The following SMIM36 variants were observed in gnomAD, a reference collection of about 807,000 sequenced individuals.
SMIM36 encodes small integral membrane protein 36.
chr17:55,510,642 G>T (rs1009677281), intron 1 of SMIM36, among the ~76,000 whole-genome samples: 2 of 152,098 alleles, frequency 1.3e-5, no homozygotes, highest in African/African-American at 2.4e-5. Context: ...TGGAAAGAAA[G>T]AATTTGCAAA....
intron 1 of SMIM36, among the ~76,000 whole-genome samples, chr17:55,491,980 A>C (rs1909714371): frequency 6.6e-6 from 1 of 151,926 alleles, no homozygotes. Context: ...TAACACAGTG[A>C]AACCTCATCT....
chr17:55,510,407 C>G (rs1205015093), intron 1 of SMIM36, among the ~76,000 whole-genome samples: 1 of 152,030 alleles, frequency 6.6e-6, no homozygotes, highest in Non-Finnish European at 1.5e-5. Context: ...GAGTTCAATA[C>G]CAGCCTGGGC....
In SMIM36 at chr17:55,501,333, AATAT is replaced by A. The variant is rs1286361533; in HGVS notation, c.*174+9542_*174+9545del. On this transcript the variant is annotated intron_variant, in intron 1 of 4. Transcript: ENST00000636752. ...TTATATATTATATTTTATAATATAT[AATAT>A]ATTATATATTATATTTTATAATATA... Among the ~76,000 whole-genome samples, 3 of 54,148 alleles carry A rather than the reference AATAT, an allele frequency of 5.5e-5. 1 individual carries two copies. Among genetic ancestry groups the A allele is most frequent in the African/African-American group, 1.3e-4 (2 of 15,128 alleles). 35.5% of individuals were successfully genotyped at this position (54,148 alleles called of 152,430 possible).
chr17:55,453,849 G>A (rs1363520517), intron 4 of SMIM36, among the ~76,000 whole-genome samples: 1 of 152,190 alleles, frequency 6.6e-6, no homozygotes, highest in African/African-American at 2.4e-5. Context: ...TTCATTGGGT[G>A]ATGTCTGAAA....
chr17:55,472,290 TCCTC>T (rs1312303576), intron 3 of SMIM36, among the ~76,000 whole-genome samples: 3 of 152,184 alleles, frequency 2.0e-5, no homozygotes, highest in Non-Finnish European at 4.4e-5. Flanking sequence ...CTGCTGCACT[TCCTC>T]CCTCCACTAC....
Position 55,500,829 on chromosome 17 carries a change from ATATATATT to A in SMIM36, c.*174+10042_*174+10049del. On this transcript the variant is annotated intron_variant, in intron 1 of 4. Transcript: ENST00000636752. ...ATATTATAATATATTATATTTTATAATATATATTATAATATATTATATTATAATATATT... is the reference window on the plus strand; with the variant it reads ...ATATTATAATATATTATATTTTATAAATAATATATTATATTATAATATATT... Among the ~76,000 whole-genome samples the A allele has an allele frequency of 1.1e-4, 2 of 18,704 alleles. 1 individual carries two copies. Among genetic ancestry groups the A allele is most frequent in the Admixed American group, 1.8e-3 (2 of 1,120 alleles). 12.3% of individuals were successfully genotyped at this position (18,704 alleles called of 152,430 possible).
intron 1 of SMIM36, among the ~76,000 whole-genome samples, chr17:55,483,477 GA>G (rs1477259407): frequency 1.3e-5 from 2 of 152,206 alleles, no homozygotes; most frequent in African/African-American, 4.8e-5. Context: ...CAGTAAAGCA[GA>G]TGACCCTCCA....
At chr17:55,513,685 T>G (rs1050177046), upstream of SMIM36, among the ~76,000 whole-genome samples, 4 of 152,050 alleles carry the variant, frequency 2.6e-5, no homozygotes, top group African/African-American at 9.7e-5. Flanking sequence ...TTTAGGGGAG[T>G]TATTTGGTGA....
intron 1 of SMIM36, among the ~76,000 whole-genome samples, chr17:55,510,380 G>A (rs1910159108): frequency 1.3e-5 from 2 of 152,112 alleles, no homozygotes; most frequent in Non-Finnish European, 2.9e-5. Context: ...TGAGGCAGGA[G>A]GATTGCTTGA....
chr17:55,457,199 C>T (rs1909039547), intron 4 of SMIM36, among the ~76,000 whole-genome samples: 1 of 151,928 alleles, frequency 6.6e-6, no homozygotes, highest in Admixed American at 6.6e-5. Context: ...CCTGTGATCC[C>T]AGCACTTCGG....
At chr17:55,456,308 A>T (rs11658508) in intron 4 of SMIM36, among the ~76,000 whole-genome samples, 8,061 of 152,112 alleles carry the variant, frequency 0.053, 747 homozygotes, top group African/African-American at 0.18. Context: ...GCTACGGCCC[A>T]TTCTTAATTG....
In SMIM36 at chr17:55,501,417, A is replaced by T. The variant is rs9748106; in HGVS notation, c.*174+9462T>A. 4.0e-3 allele frequency among the ~76,000 whole-genome samples: 71 copies of T among 17,596 alleles called. 2 individuals carry two copies. Among genetic ancestry groups the T allele is most frequent in the African/African-American group, 0.015 (39 of 2,554 alleles). 11.5% of individuals were successfully genotyped at this position (17,596 alleles called of 152,430 possible). A position where few individuals can be genotyped will look rare whatever the true frequency, so the allele number is the denominator to read the frequency against. On this transcript the variant is annotated intron_variant, in intron 1 of 4. Coordinates refer to ENST00000636752, the Ensembl canonical transcript of SMIM36. ...TATTATATATTATTATATATTATAA[A>T]ATATAATATATTATTATATATTATA...
At chr17:55,468,819 G>A (rs1170713833) in intron 3 of SMIM36, among the ~76,000 whole-genome samples, 1 of 152,040 alleles carries the variant, frequency 6.6e-6, no homozygotes, top group East Asian at 1.9e-4. Context: ...AAACCTAAAT[G>A]TCTTCTTTTC....
intron 4 of SMIM36, among the ~76,000 whole-genome samples, chr17:55,452,117 A>AG: frequency 1.4e-5 from 1 of 69,052 alleles, no homozygotes; most frequent in Middle Eastern, 7.9e-3. Flanking sequence ...AAAAAAAAAA[A>AG]AAAAAAAGGA....
intron 4 of SMIM36, among the ~76,000 whole-genome samples, chr17:55,457,404 T>C (rs111739304): frequency 0.055 from 7,478 of 137,168 alleles, 243 homozygotes; most frequent in East Asian, 0.14. Flanking sequence ...TAAGCTGAGA[T>C]CTCACTATTG....
intron 1 of SMIM36, among the ~76,000 whole-genome samples, chr17:55,489,205 T>C (rs538838086): frequency 5.9e-5 from 9 of 152,190 alleles, no homozygotes; most frequent in Admixed American, 4.6e-4. Context: ...TAGTGAAACC[T>C]TGTCTCTACT....
chr17:55,519,015 C>T, the SMIM36 span, among the ~76,000 whole-genome samples: 7 of 149,838 alleles, frequency 4.7e-5, no homozygotes, highest in African/African-American at 7.4e-5. Context: ...TTTCTCTCAC[C>T]GAGGAATGAG....
intron 1 of SMIM36, among the ~76,000 whole-genome samples, chr17:55,485,735 T>C (rs979503286): frequency 6.6e-6 from 1 of 152,234 alleles, no homozygotes. Context: ...TTGTATGTTA[T>C]AGTTAATTTA....
chr17:55,464,705 T>G (rs1199059503), intron 4 of SMIM36, among the ~76,000 whole-genome samples: 1 of 152,236 alleles, frequency 6.6e-6, no homozygotes, highest in Non-Finnish European at 1.5e-5. Flanking sequence ...AAAGTAACAA[T>G]TATCACAGAG....
Sources: gnomAD v4.1 joint callset for allele counts (sites outside exome capture counted in the v4.1 genomes callset) on GRCh38, gnomAD v4.1.1 for gene constraint, MANE v1.5 for transcripts, NCBI Gene and HGNC (gene_info 2026-07-23, HGNC 2026-07-21) for gene names.